The following PALM2AKAP2 variants were observed in gnomAD, a reference collection of about 807,000 sequenced individuals.
PALM2AKAP2 encodes PALM2 and AKAP2 fusion.
In PALM2AKAP2, 37 loss-of-function variants were observed where a neutral mutation model predicts 71.5. The ratio of observed to expected loss-of-function variants is 0.52; its 90% CI spans 0.40 to 0.68. The LOEUF (loss-of-function observed/expected upper bound fraction) is 0.68. PALM2AKAP2 is among the 30% of genes least tolerant of loss of function. The pLI is 0.00. For missense variants in PALM2AKAP2, 1,224 were observed against 1,191.8 expected, an observed-to-expected ratio of 1.03 and a Z score of -0.40; for synonymous variants, 468 against 478.8, an observed-to-expected ratio of 0.98 and a Z score of 0.29.
chr9:109,956,479 A>T (rs951230065), intron 6 of PALM2AKAP2, among the ~76,000 whole-genome samples: 12 of 152,352 alleles, frequency 7.9e-5, no homozygotes, highest in African/African-American at 2.9e-4. Flanking sequence ...TGAATTATTC[A>T]GACTATCAGA....
chr9:109,875,343 G>A (rs923865102), intron 2 of PALM2AKAP2, among the ~76,000 whole-genome samples: 1 of 152,132 alleles, frequency 6.6e-6, no homozygotes, highest in African/African-American at 2.4e-5. Flanking sequence ...CTCTTCCTAG[G>A]CAGCATCATA....
At chr9:110,043,172 C>A (rs1833537135) in intron 7 of PALM2AKAP2, among the ~76,000 whole-genome samples, 1 of 152,234 alleles carries the variant, frequency 6.6e-6, no homozygotes, top group Non-Finnish European at 1.5e-5. Flanking sequence ...CCCACACCAA[C>A]TCACACATAA....
chr9:109,909,155 C>T (rs80189069), intron 3 of PALM2AKAP2, among the ~76,000 whole-genome samples: 2,020 of 149,340 alleles, frequency 0.014, 39 homozygotes, highest in African/African-American at 0.048. Context: ...ATTACACACG[C>T]GCGCACGCAC....
intron 1 of PALM2AKAP2, among the ~76,000 whole-genome samples, chr9:110,083,428 G>A (rs1443588735): frequency 6.6e-6 from 1 of 152,136 alleles, no homozygotes; most frequent in African/African-American, 2.4e-5. Flanking sequence ...AAAATAAGGA[G>A]GCCTAGTCTG....
intron 6 of PALM2AKAP2, among the ~76,000 whole-genome samples, chr9:110,014,873 G>C (rs1832953026): frequency 9.9e-6 from 1 of 101,492 alleles, no homozygotes; most frequent in African/African-American, 3.7e-5. Context: ...CATATATCTT[G>C]CCATTTCTTC....
intron 1 of PALM2AKAP2, among the ~76,000 whole-genome samples, chr9:109,731,467 A>G (rs1252558224): frequency 6.6e-6 from 1 of 152,196 alleles, no homozygotes; most frequent in East Asian, 1.9e-4. Context: ...TAACACAATC[A>G]CCTTTTGAAT....
At chr9:109,842,657 C>T (rs543880366) in intron 1 of PALM2AKAP2, among the ~76,000 whole-genome samples, 1 of 145,128 alleles carries the variant, frequency 6.9e-6, no homozygotes, top group East Asian at 2.0e-4. Flanking sequence ...TTGAATCAGC[C>T]CCAGTAAGAT....
intron 1 of PALM2AKAP2, among the ~76,000 whole-genome samples, chr9:109,796,747 A>T (rs1179637777): frequency 6.6e-6 from 1 of 152,208 alleles, no homozygotes; most frequent in Non-Finnish European, 1.5e-5. Flanking sequence ...ATCAGATTTC[A>T]TGGGAACACA....
chr9:110,126,703 T>C (rs1835613556), intron 1 of PALM2AKAP2, among the ~76,000 whole-genome samples: 1 of 152,228 alleles, frequency 6.6e-6, no homozygotes, highest in South Asian at 2.1e-4. Flanking sequence ...TTTCATCAGC[T>C]GCTGCAGAAA....
intron 6 of PALM2AKAP2, among the ~76,000 whole-genome samples, chr9:110,006,984 A>G (rs1053562263): frequency 6.6e-6 from 1 of 151,832 alleles, no homozygotes; most frequent in African/African-American, 2.4e-5. Flanking sequence ...TTGGTTTAGG[A>G]GTAGGTTTAT....
chr9:109,940,466 AG>A (rs1831333220), intron 6 of PALM2AKAP2, among the ~76,000 whole-genome samples: 1 of 152,242 alleles, frequency 6.6e-6, no homozygotes, highest in Non-Finnish European at 1.5e-5. Flanking sequence ...TTTCAGGAGA[AG>A]GGAATCTTAA....
chr9:109,653,997 G>T (rs1827261304), intron 1 of PALM2AKAP2, among the ~76,000 whole-genome samples: 1 of 152,190 alleles, frequency 6.6e-6, no homozygotes, highest in Non-Finnish European at 1.5e-5. Context: ...TCAGAATGGG[G>T]TAGGGGTTAG....
intron 1 of PALM2AKAP2, among the ~76,000 whole-genome samples, chr9:110,060,190 G>A (rs1251075497): frequency 6.6e-6 from 1 of 152,106 alleles, no homozygotes; most frequent in East Asian, 1.9e-4. Context: ...TCGGCTCACT[G>A]CAACCTCCGC....
chr9:109,811,029 G>A (rs912304166), intron 1 of PALM2AKAP2, among the ~76,000 whole-genome samples: 2 of 152,132 alleles, frequency 1.3e-5, no homozygotes, highest in African/African-American at 4.8e-5. Flanking sequence ...GAGGAGAGAA[G>A]AGAAGGTGTG....
At chr9:109,806,734 G>C (rs1295559275) in intron 1 of PALM2AKAP2, among the ~76,000 whole-genome samples, 1 of 152,176 alleles carries the variant, frequency 6.6e-6, no homozygotes, top group African/African-American at 2.4e-5. Flanking sequence ...AAAAGCAAAA[G>C]GAAAGCCTAG....
intron 2 of PALM2AKAP2, among the ~76,000 whole-genome samples, chr9:109,876,009 G>C (rs1829712224): frequency 6.6e-6 from 1 of 152,066 alleles, no homozygotes; most frequent in Non-Finnish European, 1.5e-5. Flanking sequence ...TAGCACCTTG[G>C]GAGGAGTTTG....
At chr9:109,646,622 G>A (rs1211079873) in intron 1 of PALM2AKAP2, among the ~76,000 whole-genome samples, 3 of 120,754 alleles carry the variant, frequency 2.5e-5, no homozygotes, top group Admixed American at 1.6e-4. Context: ...GATAACTTAA[G>A]GTTCTTAACA....
At chr9:109,831,142 T>TACACACACAC (rs111681992) in intron 1 of PALM2AKAP2, among the ~76,000 whole-genome samples, 3 of 134,970 alleles carry the variant, frequency 2.2e-5, no homozygotes, top group African/African-American at 5.3e-5. Context: ...ATACTTCCCC[T>TACACACACAC]ACACACACAC....
At position 109,713,734 on chromosome 9, in the gene PALM2AKAP2, A is replaced by G. The variant is rs79435670; in HGVS notation, c.6-66754A>G. Reference sequence around the variant, plus strand: ...AACTAGAAAGACAGTAAAAAGATCAATGGTTGCCAGGAACCTGGAAGGAGG... The same window carrying G: ...AACTAGAAAGACAGTAAAAAGATCAGTGGTTGCCAGGAACCTGGAAGGAGG... On this transcript the variant is annotated intron_variant, in intron 1 of 6. Transcript: ENST00000374531. 5.3e-4 allele frequency among the ~76,000 whole-genome samples: 80 copies of G among 152,336 alleles called. 2 individuals carry two copies. The East Asian group carries it at 0.015, about 29-fold the overall frequency.
Sources: gnomAD v4.1 joint callset for allele counts (sites outside exome capture counted in the v4.1 genomes callset) on GRCh38, gnomAD v4.1.1 for gene constraint, MANE v1.5 for transcripts, NCBI Gene and HGNC (gene_info 2026-07-23, HGNC 2026-07-21) for gene names.